Variants in LDHC observed in about 807,000 individuals in gnomAD.
LDHC encodes lactate dehydrogenase C.
A neutral mutation model predicts 30.2 loss-of-function variants in LDHC; 20 were observed. The ratio of observed to expected loss-of-function variants is 0.66; its 90% confidence interval spans 0.47 to 0.96. The LOEUF is 0.96. Ranked by LOEUF, LDHC falls within the 40% of genes least tolerant of loss-of-function variation. The probability of loss-of-function intolerance (pLI) is 0.00; values close to 1 mark genes in which losing one functional copy is unlikely to be tolerated. For synonymous variants in LDHC, 139 were observed against 132.7 expected (o/e 1.05, Z -0.32); for missense variants, 362 against 394.9 (o/e 0.92, Z 0.71).
chr11:18,436,481 G>GATTTTTTTTTTTTTTTTTTTTTTTT (rs762530928), intron 5 of LDHC, among the ~76,000 whole-genome samples: 1 of 108,186 alleles, frequency 9.2e-6, no homozygotes, highest in African/African-American at 3.6e-5. Flanking sequence ...ATAATACAAA[G>GATTTTTTTTTTTTTTTTTTTTTTTT]TTTTTTTTTT....
At chr11:18,438,082 A>T (rs984536689) in intron 5 of LDHC, among the ~76,000 whole-genome samples, 13 of 152,044 alleles carry the variant, frequency 8.6e-5, no homozygotes, top group Non-Finnish European at 1.6e-4. Flanking sequence ...CCTGAGGCTG[A>T]GTAATTTATA....
intron 2 of LDHC, among the ~76,000 whole-genome samples, chr11:18,414,128 T>C (rs1015590201): frequency 2.0e-5 from 3 of 152,244 alleles, no homozygotes; most frequent in African/African-American, 7.2e-5. Context: ...ACTAATGTTC[T>C]TAGATTTGCA....
At chr11:18,446,153 T>G (rs1158196121) in intron 6 of LDHC, 57 bp from the exon 7 acceptor site, 1 of 1,421,062 alleles carries the variant, frequency 7.0e-7, no homozygotes, top group African/African-American at 1.4e-5. Flanking sequence ...AAGAATATTA[T>G]GTTTTCTCTG....
At chr11:18,440,857 C>A (rs76062966) in intron 6 of LDHC, among the ~76,000 whole-genome samples, 23,160 of 150,982 alleles carry the variant, frequency 0.15, 2,001 homozygotes, top group African/African-American at 0.23. Flanking sequence ...TGAGCCCAGG[C>A]GTTTTAGGCT....
At position 18,412,715 on chromosome 11, in the gene LDHC, C is replaced by T. The variant is rs761626610; in HGVS notation, c.-3C>T. On this transcript the variant is annotated 5_prime_UTR_variant, in exon 2 of 8. Transcript: ENST00000541669. ...ATTGCATTATCCCTATCAGGTTCTC[C>T]AAATGTCAACTGTCAAGGAGCAGCT... The T allele has an allele frequency of 1.2e-5, 19 of 1,613,076 alleles. No homozygotes were observed. In the African/African-American group the frequency reaches 2.3e-4, roughly 19 times the overall value.
At chr11:18,439,118 T>C (rs534274228) in intron 6 of LDHC, among the ~76,000 whole-genome samples, 49 of 151,968 alleles carry the variant, frequency 3.2e-4, no homozygotes, top group Non-Finnish European at 6.2e-4. Context: ...TTTGAGTAGA[T>C]GAAACATTAA....
intron 3 of LDHC, among the ~76,000 whole-genome samples, chr11:18,423,233 T>TA (rs1189033804): frequency 2.0e-5 from 3 of 152,052 alleles, no homozygotes; most frequent in African/African-American, 7.2e-5. Flanking sequence ...GTAAAATAAA[T>TA]AAATGAAGTG....
chr11:18,413,355 T>G (rs1422822092), intron 2 of LDHC, among the ~76,000 whole-genome samples: 1 of 152,002 alleles, frequency 6.6e-6, no homozygotes, highest in Non-Finnish European at 1.5e-5. Flanking sequence ...AGTACTGGGA[T>G]TACAGGCATG....
Position 18,450,942 on chromosome 11 carries a change from ATATCT to A in LDHC, c.835-14_835-10del. The A allele has an allele frequency of 1.3e-6, 2 of 1,547,624 alleles. No homozygotes were observed. Among genetic ancestry groups the A allele is most frequent in the Non-Finnish European group, 1.7e-6 (2 of 1,144,276 alleles). On this transcript the variant is annotated splice_polypyrimidine_tract_variant and intron_variant, in intron 7 of 7. Transcript: ENST00000541669. The stretch of plus-strand genomic sequence containing the variant: ...TTTTCCATATCAGGTTATTTGAACA[ATATCT>A]TATCTTGCCTTTCAGGGATTATATG...
intron 6 of LDHC, among the ~76,000 whole-genome samples, chr11:18,439,862 C>T (rs1479464182): frequency 1.4e-5 from 2 of 138,590 alleles, no homozygotes; most frequent in South Asian, 2.4e-4. Context: ...TGTGGTTGTG[C>T]GTGCCTGTAA....
At chr11:18,413,173 C>T (rs1445522905) in intron 2 of LDHC, among the ~76,000 whole-genome samples, 1 of 151,860 alleles carries the variant, frequency 6.6e-6, no homozygotes, top group East Asian at 1.9e-4. Context: ...CCTCCACCTC[C>T]CGGGATCAAG....
intron 2 of LDHC, 142 bp downstream of exon 2, chr11:18,412,985 C>T (rs77405133): frequency 7.3e-5 from 26 of 356,368 alleles, no homozygotes; most frequent in African/African-American, 2.2e-4. Context: ...CTCCCTCCCT[C>T]CCTTCCTTCC....
chr11:18,439,016 C>A (rs932633871), intron 6 of LDHC, among the ~76,000 whole-genome samples: 3 of 152,202 alleles, frequency 2.0e-5, no homozygotes, highest in Middle Eastern at 6.8e-3. Context: ...ATTATAGAAC[C>A]TACTTTACAT....
Position 18,412,700 on chromosome 11 carries a change from C to A in LDHC, c.-9-9C>A. The stretch of plus-strand genomic sequence containing the variant: ...GGTTAATCCAATGAAATTGCATTAT[C>A]CCTATCAGGTTCTCCAAATGTCAAC... On this transcript the variant is annotated splice_polypyrimidine_tract_variant and intron_variant, in intron 1 of 7. Coordinates refer to ENST00000541669, the MANE Select transcript of LDHC (RefSeq NM_017448.5). The A allele has an allele frequency of 6.2e-7, 1 of 1,611,340 alleles. No homozygotes were observed. The highest frequency in any genetic ancestry group is 8.5e-7 in the Non-Finnish European group (1 of 1,178,386).
At position 18,434,768 on chromosome 11, in the gene LDHC, G is replaced by C. The variant is rs752556850; in HGVS notation, c.447G>C (p.Lys149Asn). ...PVDILTYIVW[K>N]ISGLPVTRVI... ...ATATTTTGACATATATAGTCTGGAA[G>C]ATAAGTGGCTTACCTGTAACTCGTG... Residue 149 changes from lysine (K) to asparagine (N), a missense_variant, in exon 5 of 8, where the codon AAG becomes AAC. Physicochemically the swap from Lys to Asn is moderately conservative, Grantham distance 94 (BLOSUM62 0). Coordinates refer to ENST00000541669, the MANE Select transcript of LDHC (RefSeq NM_017448.5). 6.2e-7 allele frequency: 1 copy of C among 1,606,180 alleles called. No individual in the cohort carries two copies. Among genetic ancestry groups the C allele is most frequent in the Non-Finnish European group, 8.5e-7 (1 of 1,172,940 alleles).
At position 18,451,156 on chromosome 11, in the gene LDHC, G is replaced by A. The variant is rs1249219798; in HGVS notation, c.*29G>A. On this transcript the variant is annotated 3_prime_UTR_variant, in exon 8 of 8. Transcript: ENST00000541669. ...AAAGCCTTCTAATGTTCCACTGTTT[G>A]GAGAACAGAAGATAGCAGGCTGTGT... The A allele has an allele frequency of 7.4e-7, 1 of 1,356,552 alleles. No individual in the cohort carries two copies. The highest frequency in any genetic ancestry group is 9.8e-7 in the Non-Finnish European group (1 of 1,017,380). 84.0% of individuals were successfully genotyped at this position (1,356,552 alleles called of 1,614,324 possible). A position where few individuals can be genotyped will look rare whatever the true frequency, so the allele number is the denominator to read the frequency against.
At chr11:18,450,797 T>C (rs531356578) in intron 7 of LDHC, 166 bp from the exon 8 acceptor site, 713 of 531,368 alleles carry the variant, frequency 1.3e-3, no homozygotes, top group Non-Finnish European at 1.9e-3. Flanking sequence ...CACATGGTTA[T>C]AGGACATAAG....
chr11:18,420,576 TAGC>T (rs1867102659), intron 3 of LDHC, among the ~76,000 whole-genome samples: 1 of 141,392 alleles, frequency 7.1e-6, no homozygotes, highest in South Asian at 2.2e-4. Flanking sequence ...CTGGGCCTGG[TAGC>T]AGGCTGAGGC....
intron 6 of LDHC, among the ~76,000 whole-genome samples, chr11:18,440,880 G>A (rs986612750): frequency 2.6e-5 from 4 of 151,634 alleles, no homozygotes; most frequent in Non-Finnish European, 5.9e-5. Flanking sequence ...ACTCAAACTC[G>A]CAGAGGTATG....
Sources: allele counts gnomAD v4.1 joint callset (sites outside exome capture counted in the v4.1 genomes callset), GRCh38; gene constraint gnomAD v4.1.1; transcripts MANE v1.5; gene names NCBI Gene and HGNC (gene_info 2026-07-23, HGNC 2026-07-21).